The following SEPTIN9 variants were observed in gnomAD, a reference collection of about 807,000 sequenced individuals.
SEPTIN9 encodes the protein septin 9.
SEPTIN9 carries 13 observed loss-of-function variants against 56.6 expected under a neutral mutation model. The ratio of observed to expected loss-of-function variants is 0.23; its 90% CI spans 0.15 to 0.37. SEPTIN9 has a LOEUF of 0.37. SEPTIN9 is among the 10% of genes least tolerant of loss of function. The probability of loss-of-function intolerance (pLI) is 1.00; values close to 1 mark genes in which losing one functional copy is unlikely to be tolerated. For missense variants in SEPTIN9, 650 were observed against 823.1 expected (o/e 0.79, Z 2.57); for synonymous variants, 332 against 334.1 (o/e 0.99, Z 0.07).
chr17:77,383,327 C>G (rs71384170), intron 2 of SEPTIN9, among the ~76,000 whole-genome samples: 2 of 152,110 alleles, frequency 1.3e-5, no homozygotes, highest in African/African-American at 2.4e-5. Flanking sequence ...TGAGCACCTC[C>G]TAGGTGCCAG....
Position 77,318,932 on chromosome 17 carries a change from T to C in SEPTIN9, c.76+11735T>C, listed in dbSNP as rs1441726226. Among the ~76,000 whole-genome samples the C allele has an allele frequency of 6.6e-6, 1 of 152,124 alleles. No individual in the cohort carries two copies. The highest frequency in any genetic ancestry group is 2.4e-5 in the African/African-American group (1 of 41,406). ...AAATATTGTAAATTTGTTGGGGGCCTTGGGGAGCAGCACAGACTGAAAAGT... is the reference window on the plus strand; with the variant it reads ...AAATATTGTAAATTTGTTGGGGGCCCTGGGGAGCAGCACAGACTGAAAAGT... On this transcript the variant is annotated intron_variant, in intron 2 of 11. Transcript: ENST00000427177. The surrounding 1 kb of genome is among the most constrained non-coding windows in gnomAD (Gnocchi z 4.9).
chr17:77,413,320 CT>C (rs751464666), intron 3 of SEPTIN9, among the ~76,000 whole-genome samples: 5 of 152,112 alleles, frequency 3.3e-5, no homozygotes, highest in Non-Finnish European at 7.4e-5. Context: ...AAAACTTAAA[CT>C]TTTTCCATGG....
intron 3 of SEPTIN9, among the ~76,000 whole-genome samples, chr17:77,427,901 C>A (rs538160348): frequency 2.0e-5 from 3 of 152,348 alleles, no homozygotes; most frequent in Admixed American, 1.3e-4. Flanking sequence ...GCTTGCTCAT[C>A]ATGTGCAAGG....
intron 2 of SEPTIN9, chr17:77,320,247 G>A: frequency 6.2e-7 from 1 of 1,611,448 alleles, no homozygotes; most frequent in Non-Finnish European, 8.5e-7. Flanking sequence ...GAGAGAGGGA[G>A]GGCGACGGGG....
intron 2 of SEPTIN9, among the ~76,000 whole-genome samples, chr17:77,368,240 T>A (rs2034626963): frequency 6.6e-6 from 1 of 152,210 alleles, no homozygotes; most frequent in South Asian, 2.1e-4. Flanking sequence ...TGTTGATGGG[T>A]GTACAATGTG....
chr17:77,374,223 G>GGCAC (rs2034833201), intron 2 of SEPTIN9: 1 of 152,734 alleles, frequency 6.5e-6, no homozygotes, highest in South Asian at 2.1e-4. Context: ...ATCGGGCCGT[G>GGCAC]GGGGACAGAA....
rs183365776 is a variant in SEPTIN9 at position 77,401,149 on chromosome 17, C to T, written c.77-910C>T. Reference sequence around the variant, plus strand: ...GTACAGTCTGGCTCTGTGTCTACCCCGTGCCCCACTTTCCCCATCTGTACT... The same window carrying T: ...GTACAGTCTGGCTCTGTGTCTACCCTGTGCCCCACTTTCCCCATCTGTACT... On this transcript the variant is annotated intron_variant, in intron 2 of 11. Coordinates refer to ENST00000427177, the MANE Select transcript of SEPTIN9 (RefSeq NM_001113491.2). 5.2e-3 allele frequency among the ~76,000 whole-genome samples: 789 copies of T among 152,262 alleles called. 5 individuals are homozygous for T. The highest frequency in any genetic ancestry group is 0.017 in the African/African-American group (713 of 41,538).
chr17:77,423,112 G>T (rs2036763366), intron 3 of SEPTIN9, among the ~76,000 whole-genome samples: 1 of 151,972 alleles, frequency 6.6e-6, no homozygotes. Context: ...ATCCACTCAT[G>T]GCAACCTCCA....
intron 1 of SEPTIN9, among the ~76,000 whole-genome samples, chr17:77,290,904 G>A (rs2031515674): frequency 6.6e-6 from 1 of 151,420 alleles, no homozygotes; most frequent in South Asian, 2.1e-4. Flanking sequence ...GTCTTGCTGT[G>A]TTGCCCAGGT....
intron 1 of SEPTIN9, among the ~76,000 whole-genome samples, chr17:77,293,718 A>G (rs1345625101): frequency 6.6e-6 from 1 of 152,256 alleles, no homozygotes. Context: ...GTCAACTGTC[A>G]GTCATATCTC....
Position 77,482,153 on chromosome 17 carries a change from C to T in SEPTIN9, c.731C>T (p.Ala244Val), listed in dbSNP as rs528101392. 11 of 1,574,578 alleles carry T rather than the reference C, an allele frequency of 7.0e-6. No homozygotes were observed. In the Admixed American group the frequency reaches 7.5e-5, roughly 11 times the overall value. Residue 244 changes from alanine to valine, a missense_variant, in exon 4 of 12, where the codon GCG becomes GTG. Physicochemically the swap from Ala to Val is moderately conservative, Grantham distance 64. Coordinates refer to ENST00000427177, the MANE Select transcript of SEPTIN9 (RefSeq NM_001113491.2). ...GCTGTTCCTTCCCCAGCCACTGAGGCGGCTCCCAGCTGCGTTGGCGACATG... is the reference window on the plus strand; with the variant it reads ...GCTGTTCCTTCCCCAGCCACTGAGGTGGCTCCCAGCTGCGTTGGCGACATG... The part of the protein sequence containing the change: ...ATPRSQEATE[A>V]APSCVGDMAD...
chr17:77,401,991 CA>C, intron 2 of SEPTIN9, 67 bp from the exon 3 acceptor site: 1 of 1,509,616 alleles, frequency 6.6e-7, no homozygotes, highest in Non-Finnish European at 9.0e-7. Context: ...TGCTCCTTAG[CA>C]GGAAACATGC....
intron 3 of SEPTIN9, among the ~76,000 whole-genome samples, chr17:77,418,868 T>C (rs1213918316): frequency 6.6e-6 from 1 of 151,978 alleles, no homozygotes; most frequent in Admixed American, 6.6e-5. Context: ...GTGCTTCTGG[T>C]CTGAGCTGAG....
At chr17:77,299,189 G>A (rs957936705) in intron 1 of SEPTIN9, among the ~76,000 whole-genome samples, 4 of 152,132 alleles carry the variant, frequency 2.6e-5, no homozygotes, top group African/African-American at 9.7e-5. Context: ...CTCCCTCCTG[G>A]TCGCTTCCAC....
Position 77,450,402 on chromosome 17 carries a change from A to G in SEPTIN9, c.722-31742A>G. 1.2e-6 allele frequency: 1 copy of G among 848,792 alleles called. No individual in the cohort carries two copies. The highest frequency in any genetic ancestry group is 1.4e-6 in the Non-Finnish European group (1 of 705,172). 52.6% of individuals were successfully genotyped at this position (848,792 alleles called of 1,614,324 possible). ...CAGAATTCAGCCCCTGGCCCTCAGA[A>G]GGTGTCACCAAAGGCTTCTTTCCAT... On this transcript the variant is annotated intron_variant, in intron 3 of 11. Transcript: ENST00000427177. The surrounding 1 kb of genome is among the most constrained non-coding windows in gnomAD (Gnocchi z 6.0).
chr17:77,454,115 T>C (rs1441787108), intron 3 of SEPTIN9: 19 of 985,812 alleles, frequency 1.9e-5, no homozygotes, highest in Non-Finnish European at 2.3e-5. Context: ...CAGGGTAAGC[T>C]GTGGGGGCTC....
intron 3 of SEPTIN9, chr17:77,442,101 G>C (rs1001222667): frequency 6.6e-6 from 1 of 152,174 alleles, no homozygotes; most frequent in African/African-American, 2.4e-5. Flanking sequence ...GTAGAAGGTG[G>C]GGCCCGTGAC....
chr17:77,302,870 G>A (rs978498171), intron 1 of SEPTIN9, among the ~76,000 whole-genome samples: 4 of 152,108 alleles, frequency 2.6e-5, no homozygotes, highest in African/African-American at 9.7e-5. Flanking sequence ...CCCTGAGCTG[G>A]TTCCACAAGG....
chr17:77,373,400 C>T, intron 2 of SEPTIN9: 1 of 1,255,500 alleles, frequency 8.0e-7, no homozygotes, highest in Admixed American at 4.4e-5. Flanking sequence ...ACTGCAGGAG[C>T]GCGGGCGCGG....
Sources: allele counts gnomAD v4.1 joint callset (sites outside exome capture counted in the v4.1 genomes callset), GRCh38; gene constraint gnomAD v4.1.1; non-coding constraint Gnocchi (gnomAD v3.1); transcripts MANE v1.5; gene names NCBI Gene and HGNC (gene_info 2026-07-23, HGNC 2026-07-21).